TNIK: variants seen among roughly 807,000 people sequenced by gnomAD.
TNIK encodes TRAF2 and NCK-interacting protein kinase.
In TNIK, 49 loss-of-function variants were observed where a neutral mutation model predicts 191.3. The observed-to-expected ratio is 0.26, with a 90% CI of 0.20 to 0.32. TNIK has a LOEUF of 0.32. TNIK is among the 10% of genes least tolerant of loss of function. The pLI is 1.00. For synonymous variants in TNIK, 594 were observed against 600.9 expected (o/e 0.99, Z 0.17); for missense variants, 1,155 against 1,702.3 (o/e 0.68, Z 5.66).
At chr3:171,214,053 C>T (rs866375695) in intron 3 of TNIK, among the ~76,000 whole-genome samples, 3 of 151,910 alleles carry the variant, frequency 2.0e-5, no homozygotes, top group East Asian at 1.9e-4. Context: ...GTTATGGAAC[C>T]ACTGTAAGAC....
At chr3:171,112,903 C>G (rs1361447269) in intron 18 of TNIK, among the ~76,000 whole-genome samples, 1 of 152,162 alleles carries the variant, frequency 6.6e-6, no homozygotes, top group Admixed American at 6.5e-5. Flanking sequence ...AATAATCTCC[C>G]TGTACACAAA....
chr3:171,114,066 T>G (rs1726307242), intron 18 of TNIK, among the ~76,000 whole-genome samples: 1 of 151,242 alleles, frequency 6.6e-6, no homozygotes. Context: ...AATTTATAAC[T>G]CATAGGCTTT....
intron 7 of TNIK, 88 bp downstream of exon 7, chr3:171,188,614 A>C: frequency 2.0e-6 from 3 of 1,487,698 alleles, no homozygotes; most frequent in Non-Finnish European, 2.7e-6. Context: ...TGGGTGACAT[A>C]AATCATAAAT....
intron 1 of TNIK, among the ~76,000 whole-genome samples, chr3:171,400,800 A>G (rs1360302723): frequency 6.6e-6 from 1 of 152,178 alleles, no homozygotes; most frequent in Non-Finnish European, 1.5e-5. Context: ...TCTCCTAAGC[A>G]CCATATGCCC....
intron 1 of TNIK, among the ~76,000 whole-genome samples, chr3:171,385,814 G>A (rs1718647656): frequency 6.6e-6 from 1 of 152,150 alleles, no homozygotes; most frequent in African/African-American, 2.4e-5. Context: ...ATTATTTCTA[G>A]AAATCAGGAT....
chr3:171,411,945 G>C (rs1577838453), intron 1 of TNIK, among the ~76,000 whole-genome samples: 1 of 152,142 alleles, frequency 6.6e-6, no homozygotes, highest in East Asian at 1.9e-4. Flanking sequence ...AACTGGTTCT[G>C]TCTGAATCCT....
At chr3:171,307,177 T>A (rs1753547851) in intron 2 of TNIK, among the ~76,000 whole-genome samples, 1 of 152,094 alleles carries the variant, frequency 6.6e-6, no homozygotes, top group Non-Finnish European at 1.5e-5. Flanking sequence ...ATTTTATGGG[T>A]GGTGGTGAGG....
chr3:171,359,151 T>C (rs2108463072), intron 2 of TNIK, among the ~76,000 whole-genome samples: 1 of 152,182 alleles, frequency 6.6e-6, no homozygotes, highest in Non-Finnish European at 1.5e-5. Flanking sequence ...GAGAAAGAGG[T>C]ACCACTAAAA....
At chr3:171,343,127 TC>T (rs1711568818) in intron 2 of TNIK, among the ~76,000 whole-genome samples, 1 of 141,756 alleles carries the variant, frequency 7.1e-6, no homozygotes, top group African/African-American at 2.6e-5. Flanking sequence ...AATACAACCC[TC>T]AAGGTAGAGT....
intron 22 of TNIK, among the ~76,000 whole-genome samples, chr3:171,100,996 G>C (rs1036926427): frequency 1.3e-5 from 2 of 152,070 alleles, no homozygotes; most frequent in African/African-American, 4.8e-5. Context: ...GGATGGTAAC[G>C]CATGCTGGCT....
At chr3:171,355,726 T>C (rs867147114) in intron 2 of TNIK, among the ~76,000 whole-genome samples, 1 of 152,218 alleles carries the variant, frequency 6.6e-6, no homozygotes, top group African/African-American at 2.4e-5. Context: ...GTGAATAATG[T>C]GATCCTTAAT....
At chr3:171,232,860 T>C (rs1268456051) in intron 2 of TNIK, among the ~76,000 whole-genome samples, 2 of 152,204 alleles carry the variant, frequency 1.3e-5, no homozygotes, top group East Asian at 1.9e-4. Context: ...ATTAATACAA[T>C]ACCCTACTCC....
At chr3:171,430,542 G>A (rs1200642152) in intron 1 of TNIK, among the ~76,000 whole-genome samples, 2 of 151,564 alleles carry the variant, frequency 1.3e-5, no homozygotes, top group Admixed American at 6.6e-5. Context: ...AGAAGGCTGA[G>A]GTGGGAGGAT....
At chr3:171,348,553 A>G (rs976300953) in intron 2 of TNIK, among the ~76,000 whole-genome samples, 5 of 152,216 alleles carry the variant, frequency 3.3e-5, no homozygotes, top group Non-Finnish European at 4.4e-5. Flanking sequence ...CTTATTTTAA[A>G]ATTAGAAGAT....
intron 2 of TNIK, among the ~76,000 whole-genome samples, chr3:171,311,068 G>A (rs1476012159): frequency 2.6e-5 from 4 of 151,966 alleles, no homozygotes; most frequent in African/African-American, 9.7e-5. Context: ...GGGATGGTGA[G>A]AATGTAATAA....
At chr3:171,342,041 GAAC>G (rs1757585548) in intron 2 of TNIK, among the ~76,000 whole-genome samples, 1 of 152,132 alleles carries the variant, frequency 6.6e-6, no homozygotes, top group South Asian at 2.1e-4. Context: ...TTTTGCTGTG[GAAC>G]AACATATAAT....
At chr3:171,434,850 A>T (rs185827184) in intron 1 of TNIK, among the ~76,000 whole-genome samples, 1 of 152,286 alleles carries the variant, frequency 6.6e-6, no homozygotes, top group East Asian at 1.9e-4. Context: ...ATTGGTTATT[A>T]TCTGATTCCT....
At chr3:171,278,535 C>T (rs566454957) in intron 2 of TNIK, among the ~76,000 whole-genome samples, 1 of 152,246 alleles carries the variant, frequency 6.6e-6, no homozygotes, top group Non-Finnish European at 1.5e-5. Flanking sequence ...CCACACTAGT[C>T]TGAATGCCAT....
chr3:171,216,593 G>A (rs761873260), intron 3 of TNIK, among the ~76,000 whole-genome samples: 7 of 152,158 alleles, frequency 4.6e-5, no homozygotes, highest in Non-Finnish European at 7.3e-5. Context: ...ACAGGCTGGC[G>A]TTTTCCAGTG....
Sources: gnomAD v4.1 joint callset for allele counts (sites outside exome capture counted in the v4.1 genomes callset) on GRCh38, gnomAD v4.1.1 for gene constraint, MANE v1.5 for transcripts, NCBI Gene and HGNC (gene_info 2026-07-23, HGNC 2026-07-21) for gene names.